Variants in PTPRR observed in about 807,000 individuals in gnomAD.
PTPRR encodes the protein receptor-type tyrosine-protein phosphatase R.
PTPRR carries 38 observed loss-of-function variants against 77.2 expected under a neutral mutation model. That is an observed-to-expected ratio of 0.49 (90% confidence interval 0.38 to 0.65). The LOEUF is 0.65. PTPRR is among the 30% of genes least tolerant of loss of function. PTPRR has a pLI of 0.00. For missense variants in PTPRR, 744 were observed against 799.2 expected (o/e 0.93, Z 0.83); for synonymous variants, 299 against 283.1 (o/e 1.06, Z -0.57).
intron 13 of PTPRR, among the ~76,000 whole-genome samples, chr12:70,649,735 T>C (rs377624293): frequency 5.9e-5 from 9 of 151,968 alleles, no homozygotes; most frequent in African/African-American, 1.9e-4. Flanking sequence ...CCACCATGCC[T>C]GGCTAATTTT....
chr12:70,696,248 T>C (rs1431843748), intron 8 of PTPRR, among the ~76,000 whole-genome samples: 4 of 152,152 alleles, frequency 2.6e-5, no homozygotes, highest in Non-Finnish European at 4.4e-5. Flanking sequence ...CTACACTGCT[T>C]GGGCAGTATC....
chr12:70,818,251 A>T (rs1313095278), intron 2 of PTPRR, among the ~76,000 whole-genome samples: 6 of 151,792 alleles, frequency 4.0e-5, no homozygotes, highest in Admixed American at 3.9e-4. Flanking sequence ...AAAAAAAAAA[A>T]AAAGAAAATA....
intron 13 of PTPRR, among the ~76,000 whole-genome samples, chr12:70,645,543 T>G (rs1886164423): frequency 6.6e-6 from 1 of 152,208 alleles, no homozygotes; most frequent in Non-Finnish European, 1.5e-5. Flanking sequence ...TGATAAATTA[T>G]TTGTTCATCC....
intron 12 of PTPRR, among the ~76,000 whole-genome samples, chr12:70,660,424 C>G (rs1886756200): frequency 6.6e-6 from 1 of 152,128 alleles, no homozygotes; most frequent in Non-Finnish European, 1.5e-5. Flanking sequence ...GTGACTTGCT[C>G]ACTTCTCATT....
intron 6 of PTPRR, among the ~76,000 whole-genome samples, chr12:70,717,466 G>A (rs1889074291): frequency 6.6e-6 from 1 of 152,156 alleles, no homozygotes; most frequent in African/African-American, 2.4e-5. Context: ...ATGAGTCTAA[G>A]TACTGAAAGA....
At chr12:70,823,497 A>T (rs1467741339) in intron 2 of PTPRR, among the ~76,000 whole-genome samples, 2 of 152,154 alleles carry the variant, frequency 1.3e-5, no homozygotes, top group Non-Finnish European at 2.9e-5. Context: ...CTATATTCCC[A>T]GAGTGCCCTA....
rs1273301643 is a variant in PTPRR, at chr12:70,901,512, G to T, written c.59-8535C>A. Among the ~76,000 whole-genome samples the T allele has an allele frequency of 9.2e-5, 14 of 151,628 alleles. 1 individual carries two copies. The Admixed American group carries it at 9.2e-4, about 10-fold the overall frequency. The stretch of plus-strand genomic sequence containing the variant: ...AAACAAAAATATAAAGTGGGGAAAG[G>T]ATATCCTTTGCAAAAAGTGGTGCTG... On this transcript the variant is annotated intron_variant, in intron 1 of 13. Coordinates refer to ENST00000283228, the MANE Select transcript of PTPRR (RefSeq NM_002849.4).
rs866555134 is a variant in PTPRR, at chr12:70,722,653, C to T, written c.1008-21330G>A. On this transcript the variant is annotated intron_variant, in intron 6 of 13. Transcript: ENST00000283228. ...CATTTTCTCTCAGAGTGTTCAGTGA[C>T]GAGGGATATGTTTATTTGGGATAAG... is the stretch of plus-strand genomic sequence containing the variant. Among the ~76,000 whole-genome samples the T allele has an allele frequency of 2.2e-4, 34 of 151,874 alleles. 1 individual carries two copies. Among genetic ancestry groups the T allele is most frequent in the African/African-American group, 8.2e-4 (34 of 41,340 alleles).
intron 6 of PTPRR, among the ~76,000 whole-genome samples, chr12:70,734,675 A>G (rs1889801557): frequency 6.6e-6 from 1 of 152,132 alleles, no homozygotes; most frequent in South Asian, 2.1e-4. Context: ...AAGGCAAGGA[A>G]AGGAAAGGAG....
At chr12:70,778,861 T>G (rs1399261801) in intron 2 of PTPRR, among the ~76,000 whole-genome samples, 1 of 152,212 alleles carries the variant, frequency 6.6e-6, no homozygotes, top group Admixed American at 6.5e-5. Context: ...TGTTTGTTTT[T>G]TAGACAGAGT....
chr12:70,758,293 G>C (rs1422234324), intron 4 of PTPRR, among the ~76,000 whole-genome samples: 2 of 152,060 alleles, frequency 1.3e-5, no homozygotes, highest in Admixed American at 1.3e-4. Flanking sequence ...AGCTCTGTGA[G>C]AGGCCATTAA....
At chr12:70,677,398 C>T (rs1406531174) in intron 10 of PTPRR, among the ~76,000 whole-genome samples, 1 of 152,084 alleles carries the variant, frequency 6.6e-6, no homozygotes, top group Non-Finnish European at 1.5e-5. Context: ...CCGATTTTGC[C>T]TTTTATTTCT....
chr12:70,740,666 T>C (rs1040628143), intron 6 of PTPRR, among the ~76,000 whole-genome samples: 1 of 152,164 alleles, frequency 6.6e-6, no homozygotes, highest in Non-Finnish European at 1.5e-5. Flanking sequence ...AAATTATATT[T>C]TATGATTAAT....
At chr12:70,790,738 T>C (rs1050447466) in intron 2 of PTPRR, among the ~76,000 whole-genome samples, 7 of 152,088 alleles carry the variant, frequency 4.6e-5, no homozygotes, top group Admixed American at 4.6e-4. Context: ...CAATCTTTCA[T>C]GTGCTCAGGT....
rs1303473983 is a variant in PTPRR, at chr12:70,909,902, GA to G, written c.58+10430del. Among the ~76,000 whole-genome samples the G allele has an allele frequency of 3.3e-5, 5 of 152,256 alleles. 1 individual carries two copies. The highest frequency in any genetic ancestry group is 6.8e-3 in the Middle Eastern group (2 of 294). On this transcript the variant is annotated intron_variant, in intron 1 of 13. Coordinates refer to ENST00000283228, the MANE Select transcript of PTPRR (RefSeq NM_002849.4). ...TTTTTTTCTCTTATATACTTGTTTT[GA>G]AAGCAGGATTTAGTTTCTTCAACAT...
At chr12:70,672,727 C>T (rs1481309313) in intron 10 of PTPRR, 1 of 1,545,728 alleles carries the variant, frequency 6.5e-7, no homozygotes, top group Non-Finnish European at 8.8e-7. Flanking sequence ...CACCTTTTAC[C>T]CAGGGGATGT....
intron 2 of PTPRR, among the ~76,000 whole-genome samples, chr12:70,789,476 A>C (rs904269451): frequency 6.6e-6 from 1 of 152,122 alleles, no homozygotes; most frequent in Non-Finnish European, 1.5e-5. Context: ...AATCAGAGGC[A>C]AAGTAACTAA....
intron 6 of PTPRR, among the ~76,000 whole-genome samples, chr12:70,715,076 G>T (rs1888972769): frequency 6.6e-6 from 1 of 152,060 alleles, no homozygotes; most frequent in Non-Finnish European, 1.5e-5. Context: ...TGCCCCGATA[G>T]TCATGTAGGT....
chr12:70,878,832 C>A (rs1893099102), intron 2 of PTPRR, among the ~76,000 whole-genome samples: 1 of 152,126 alleles, frequency 6.6e-6, no homozygotes, highest in Admixed American at 6.5e-5. Context: ...TTCACAATAG[C>A]AAAGACTTGG....
Sources: allele counts gnomAD v4.1 joint callset (sites outside exome capture counted in the v4.1 genomes callset), GRCh38; gene constraint gnomAD v4.1.1; transcripts MANE v1.5; gene names NCBI Gene and HGNC (gene_info 2026-07-23, HGNC 2026-07-21).